Variants in FAF1 observed in about 807,000 individuals in gnomAD.
FAF1 encodes FAS-associated factor 1.
Under a neutral mutation model 92.5 loss-of-function variants are expected in FAF1, and 25 were observed. That is an observed-to-expected ratio of 0.27 (90% CI 0.20 to 0.38). FAF1 has a LOEUF of 0.38. Among genes scored for constraint, FAF1 ranks in the 10% least tolerant of loss-of-function variants. The pLI, the probability that FAF1 is intolerant of heterozygous loss-of-function variation, is 1.00. For synonymous variants in FAF1, 234 were observed against 273.2 expected (o/e 0.86, Z 1.42); for missense variants, 636 against 793.3 (o/e 0.80, Z 2.38).
At position 50,827,433 on chromosome 1, in the gene FAF1, T is replaced by C. The variant is rs185086949; in HGVS notation, c.115-25756A>G. On this transcript the variant is annotated intron_variant, in intron 2 of 18. Transcript: ENST00000396153. ...GTTAAACAGATGCTTGAAGGCAGCA[T>C]GCTCCTTAAGAGTCATCACCACTCC... Among the ~76,000 whole-genome samples the C allele has an allele frequency of 7.9e-5, 12 of 152,288 alleles. No homozygotes were observed. The East Asian group carries it at 1.7e-3, about 22-fold the overall frequency.
chr1:50,541,303 C>T (rs1202429576), intron 13 of FAF1, among the ~76,000 whole-genome samples: 3 of 152,170 alleles, frequency 2.0e-5, no homozygotes, highest in Non-Finnish European at 4.4e-5. Flanking sequence ...TTTAAATACA[C>T]ATTCAGAAGA....
intron 6 of FAF1, among the ~76,000 whole-genome samples, chr1:50,730,723 CT>C (rs1381734384): frequency 2.0e-5 from 3 of 152,198 alleles, no homozygotes; most frequent in African/African-American, 7.2e-5. Context: ...GAAATAAGAA[CT>C]TAGAGGCATC....
rs987049258 is a variant in FAF1 at position 50,683,265 on chromosome 1, G to A, written c.657+22521C>T. On this transcript the variant is annotated intron_variant, in intron 7 of 18. Transcript: ENST00000396153. Reference sequence around the variant, plus strand: ...ACCTCGGCCGGGTGTGGTGGCTCACGCCTGTAATCCCAGCACTTTGGGAGG... The same window carrying A: ...ACCTCGGCCGGGTGTGGTGGCTCACACCTGTAATCCCAGCACTTTGGGAGG... Among the ~76,000 whole-genome samples, 12 of 151,712 alleles carry A rather than the reference G, an allele frequency of 7.9e-5. 1 individual carries two copies. The South Asian group carries it at 2.3e-3, about 29-fold the overall frequency.
intron 4 of FAF1, among the ~76,000 whole-genome samples, chr1:50,750,398 T>C (rs1170025232): frequency 2.0e-5 from 3 of 152,186 alleles, no homozygotes; most frequent in Admixed American, 6.5e-5. Flanking sequence ...TTATGATTTA[T>C]ATGTAATAAA....
rs149333519 is a variant in FAF1, at chr1:50,650,373, C to T, written c.744+5069G>A. Among the ~76,000 whole-genome samples the T allele has an allele frequency of 2.1e-3, 323 of 151,670 alleles. 8 individuals are homozygous for T. In the East Asian group the frequency reaches 0.052, roughly 24 times the overall value. ...TTGTAATCCCAGCACTTTGGGAGGC[C>T]GAGGTGAGGATCACTTGAGGCCAAG... On this transcript the variant is annotated intron_variant, in intron 8 of 18. Coordinates refer to ENST00000396153, the MANE Select transcript of FAF1 (RefSeq NM_007051.3).
At chr1:50,496,834 A>T (rs998815376) in intron 15 of FAF1, among the ~76,000 whole-genome samples, 1 of 151,602 alleles carries the variant, frequency 6.6e-6, no homozygotes, top group Non-Finnish European at 1.5e-5. Flanking sequence ...GGTTGCAGTG[A>T]GCTGAGATTG....
At chr1:50,484,799 T>C (rs900750349) in intron 17 of FAF1, among the ~76,000 whole-genome samples, 2 of 152,202 alleles carry the variant, frequency 1.3e-5, no homozygotes, top group African/African-American at 2.4e-5. Context: ...ATCAGGCTTA[T>C]ACGTTAGGTA....
intron 15 of FAF1, among the ~76,000 whole-genome samples, chr1:50,532,736 T>A (rs1339819713): frequency 6.6e-6 from 1 of 152,222 alleles, no homozygotes; most frequent in East Asian, 1.9e-4. Context: ...CTAATTACAG[T>A]GCTCCAAATT....
At chr1:50,615,800 T>C (rs1451767763) in intron 8 of FAF1, among the ~76,000 whole-genome samples, 2 of 152,164 alleles carry the variant, frequency 1.3e-5, no homozygotes, top group African/African-American at 4.8e-5. Context: ...TCTCCCATTC[T>C]GTATGTCATT....
chr1:50,556,321 G>A (rs1023404723), intron 13 of FAF1, among the ~76,000 whole-genome samples: 1 of 151,622 alleles, frequency 6.6e-6, no homozygotes, highest in Non-Finnish European at 1.5e-5. Flanking sequence ...TCACTTAGAA[G>A]TGGAAGCTAA....
intron 12 of FAF1, among the ~76,000 whole-genome samples, chr1:50,581,138 C>G (rs1471414747): frequency 6.6e-6 from 1 of 152,132 alleles, no homozygotes; most frequent in Non-Finnish European, 1.5e-5. Flanking sequence ...ACATGCAATT[C>G]TTTAAAAACA....
At chr1:50,538,110 TA>T (rs369809246) in intron 14 of FAF1, among the ~76,000 whole-genome samples, 11,301 of 146,766 alleles carry the variant, frequency 0.077, 456 homozygotes, top group African/African-American at 0.1. Flanking sequence ...TATAGGATAT[TA>T]AAAAAAAAAA....
chr1:50,528,200 C>T (rs932216224), intron 15 of FAF1, among the ~76,000 whole-genome samples: 1 of 152,002 alleles, frequency 6.6e-6, no homozygotes, highest in Non-Finnish European at 1.5e-5. Context: ...CTTCTTATGG[C>T]CAATTTTGCA....
intron 8 of FAF1, among the ~76,000 whole-genome samples, chr1:50,616,858 T>C (rs1445706585): frequency 6.6e-6 from 1 of 152,126 alleles, no homozygotes; most frequent in African/African-American, 2.4e-5. Context: ...TTTTTGTATT[T>C]TTAGTAGAGT....
chr1:50,593,701 G>A (rs1572856351), intron 9 of FAF1, among the ~76,000 whole-genome samples: 1 of 151,900 alleles, frequency 6.6e-6, no homozygotes, highest in African/African-American at 2.4e-5. Context: ...TATTAGCAGG[G>A]GAAAACACTT....
At chr1:50,517,956 TTTTAA>T (rs1279298304) in intron 15 of FAF1, among the ~76,000 whole-genome samples, 6 of 152,124 alleles carry the variant, frequency 3.9e-5, no homozygotes, top group Non-Finnish European at 8.8e-5. Flanking sequence ...TACTTTTCCT[TTTTAA>T]TTTTATTTCC....
chr1:50,591,818 ATCTCT>A (rs1469078155), intron 9 of FAF1, among the ~76,000 whole-genome samples: 5 of 151,902 alleles, frequency 3.3e-5, no homozygotes, highest in African/African-American at 7.2e-5. Context: ...ACCTACACTT[ATCTCT>A]TCTCATTTGC....
chr1:50,654,957 G>A (rs1367054289), intron 8 of FAF1, among the ~76,000 whole-genome samples: 1 of 150,994 alleles, frequency 6.6e-6, no homozygotes, highest in Non-Finnish European at 1.5e-5. Context: ...CACATTGCTT[G>A]GTTTTAGATA....
At chr1:50,656,793 G>C (rs1421257611) in intron 7 of FAF1, among the ~76,000 whole-genome samples, 3 of 152,164 alleles carry the variant, frequency 2.0e-5, no homozygotes, top group African/African-American at 7.2e-5. Context: ...TGAGGCAGGA[G>C]AATGGCTTAA....
Sources: gnomAD v4.1 joint callset for allele counts (sites outside exome capture counted in the v4.1 genomes callset) on GRCh38, gnomAD v4.1.1 for gene constraint, MANE v1.5 for transcripts, NCBI Gene and HGNC (gene_info 2026-07-23, HGNC 2026-07-21) for gene names.